Variants in GRIK3 observed in about 807,000 individuals in gnomAD.
GRIK3 encodes the protein glutamate receptor ionotropic, kainate 3.
A neutral mutation model predicts 102.5 loss-of-function variants in GRIK3; 29 were observed. The observed-to-expected ratio is 0.28, with a 90% CI of 0.21 to 0.39. GRIK3 has a LOEUF of 0.39. Ranked by LOEUF, GRIK3 falls within the 10% of genes least tolerant of loss-of-function variation. GRIK3 has a pLI of 1.00. For missense variants in GRIK3, 908 were observed against 1,252.4 expected (o/e 0.73, Z 4.15); for synonymous variants, 511 against 504.9 (o/e 1.01, Z -0.16).
intron 1 of GRIK3, among the ~76,000 whole-genome samples, chr1:37,014,871 C>CTTTTCTT (rs1305506841): frequency 2.0e-5 from 3 of 151,520 alleles, no homozygotes; most frequent in African/African-American, 7.3e-5. Context: ...CTTTTCTTTT[C>CTTTTCTT]TTTTCTCATC....
intron 5 of GRIK3, among the ~76,000 whole-genome samples, chr1:36,865,076 C>T (rs534719635): frequency 1.3e-5 from 2 of 152,294 alleles, no homozygotes; most frequent in East Asian, 3.9e-4. Context: ...TGGAAAACAT[C>T]GCCTTAAGGA....
chr1:36,844,117 T>A (rs1640492729), intron 9 of GRIK3, among the ~76,000 whole-genome samples: 1 of 152,216 alleles, frequency 6.6e-6, no homozygotes, highest in Non-Finnish European at 1.5e-5. Flanking sequence ...AATCCCATCC[T>A]GCCCCATGCT....
chr1:36,864,506 T>C (rs2124245198), intron 5 of GRIK3, among the ~76,000 whole-genome samples: 1 of 152,280 alleles, frequency 6.6e-6, no homozygotes, highest in South Asian at 2.1e-4. Context: ...TGACTCGATT[T>C]ACCCTCATCT....
At chr1:36,950,897 G>C (rs547332409) in intron 1 of GRIK3, among the ~76,000 whole-genome samples, 1 of 152,230 alleles carries the variant, frequency 6.6e-6, no homozygotes, top group Non-Finnish European at 1.5e-5. Context: ...TTACAGCAAC[G>C]GGGAGCGGAG....
At chr1:36,810,765 C>G (rs1642552428) in intron 13 of GRIK3, among the ~76,000 whole-genome samples, 1 of 152,320 alleles carries the variant, frequency 6.6e-6, no homozygotes, top group African/African-American at 2.4e-5. Context: ...TGGATTTGAG[C>G]AGTTTATCAT....
intron 1 of GRIK3, among the ~76,000 whole-genome samples, chr1:37,018,178 C>T (rs939773521): frequency 6.6e-6 from 1 of 152,166 alleles, no homozygotes; most frequent in Non-Finnish European, 1.5e-5. Flanking sequence ...ATGAATAAAC[C>T]CTTTCTCTGC....
At chr1:36,951,655 C>T (rs1641845352) in intron 1 of GRIK3, among the ~76,000 whole-genome samples, 1 of 152,202 alleles carries the variant, frequency 6.6e-6, no homozygotes. Flanking sequence ...TTAACTTTGA[C>T]TACCCTTTGT....
At chr1:36,948,916 C>T (rs1002310944) in intron 1 of GRIK3, among the ~76,000 whole-genome samples, 1 of 152,220 alleles carries the variant, frequency 6.6e-6, no homozygotes, top group Non-Finnish European at 1.5e-5. Flanking sequence ...CTGGCTGCTC[C>T]TCAAGCTAGA....
At chr1:36,932,461 G>A (rs746990236) in intron 1 of GRIK3, among the ~76,000 whole-genome samples, 2 of 152,122 alleles carry the variant, frequency 1.3e-5, no homozygotes, top group African/African-American at 2.4e-5. Flanking sequence ...GTCATCCTTC[G>A]TTTCTTTGTT....
chr1:36,862,367 T>A (rs1640737491), intron 5 of GRIK3, among the ~76,000 whole-genome samples: 1 of 152,158 alleles, frequency 6.6e-6, no homozygotes, highest in Non-Finnish European at 1.5e-5. Context: ...ATTGTCTTAC[T>A]CCAAACCCTC....
At chr1:36,970,465 C>T (rs1392023190) in intron 1 of GRIK3, among the ~76,000 whole-genome samples, 1 of 152,230 alleles carries the variant, frequency 6.6e-6, no homozygotes, top group Admixed American at 6.5e-5. Flanking sequence ...CACCATTCAC[C>T]TCACATCCTT....
intron 1 of GRIK3, among the ~76,000 whole-genome samples, chr1:36,966,891 A>AT (rs1478779554): frequency 6.6e-6 from 1 of 152,126 alleles, no homozygotes; most frequent in African/African-American, 2.4e-5. Context: ...CCAAGTATAT[A>AT]ATAAGACCCA....
At chr1:36,863,483 A>T (rs918157068) in intron 5 of GRIK3, among the ~76,000 whole-genome samples, 1 of 151,420 alleles carries the variant, frequency 6.6e-6, no homozygotes, top group Non-Finnish European at 1.5e-5. Flanking sequence ...TACCCTCTCA[A>T]TTTTTTTGTC....
chr1:36,817,760 C>A (rs1228799575), intron 12 of GRIK3, among the ~76,000 whole-genome samples: 1 of 152,210 alleles, frequency 6.6e-6, no homozygotes, highest in African/African-American at 2.4e-5. Flanking sequence ...CTTCCCCTCT[C>A]TGGGATTCTG....
At chr1:36,907,343 C>T (rs762095609) in intron 1 of GRIK3, among the ~76,000 whole-genome samples, 1 of 152,116 alleles carries the variant, frequency 6.6e-6, no homozygotes, top group Non-Finnish European at 1.5e-5. Context: ...GGACAGAACC[C>T]AGGCCCAAAG....
At chr1:36,907,767 T>C (rs1239622516) in intron 1 of GRIK3, among the ~76,000 whole-genome samples, 1 of 152,052 alleles carries the variant, frequency 6.6e-6, no homozygotes. Flanking sequence ...CTGCAAAGGC[T>C]GAATATCATG....
chr1:36,869,611 C>G (rs1640821046), intron 5 of GRIK3, 137 bp downstream of exon 5: 1 of 699,292 alleles, frequency 1.4e-6, no homozygotes. Context: ...ATATTTGTGC[C>G]CTTACCTGGG....
chr1:36,995,056 G>A (rs1264834105), intron 1 of GRIK3, among the ~76,000 whole-genome samples: 6 of 152,186 alleles, frequency 3.9e-5, no homozygotes, highest in African/African-American at 1.4e-4. Flanking sequence ...AGCTGCGGAA[G>A]CCTGGAGCTT....
chr1:36,996,633 C>T lies in GRIK3; in HGVS notation c.115+37361G>A, dbSNP rs1485324657. ...ATGTGAGAAAAAAGTTGGATCTTCA[C>T]ACAGACAGGTGTGTCTGTGGCCTCT... On this transcript the variant is annotated intron_variant, in intron 1 of 15. Coordinates refer to ENST00000373091, the MANE Select transcript of GRIK3 (RefSeq NM_000831.4). Among the ~76,000 whole-genome samples, 2 of 152,214 alleles carry T rather than the reference C, an allele frequency of 1.3e-5. 1 individual carries two copies. The highest frequency in any genetic ancestry group is 2.9e-5 in the Non-Finnish European group (2 of 68,046).
Sources: gnomAD v4.1 joint callset for allele counts (sites outside exome capture counted in the v4.1 genomes callset) on GRCh38, gnomAD v4.1.1 for gene constraint, MANE v1.5 for transcripts, NCBI Gene and HGNC (gene_info 2026-07-23, HGNC 2026-07-21) for gene names.